Variants in MYLK3 observed in about 807,000 individuals in gnomAD.
The protein encoded by MYLK3 is myosin light chain kinase 3.
MYLK3 carries 55 observed loss-of-function variants against 76.3 expected under a neutral mutation model. The observed-to-expected ratio is 0.72, with a 90% confidence interval of 0.58 to 0.90. The LOEUF (loss-of-function observed/expected upper bound fraction) is 0.90. MYLK3 is among the 40% of genes least tolerant of loss of function. MYLK3 has a pLI of 0.00. For synonymous variants in MYLK3, 416 were observed against 425.4 expected, an observed-to-expected ratio of 0.98 and a Z score of 0.27; for missense variants, 973 against 1,053.6, an observed-to-expected ratio of 0.92 and a Z score of 1.06.
intron 7 of MYLK3, among the ~76,000 whole-genome samples, chr16:46,728,037 A>G (rs1230498385): frequency 6.6e-6 from 1 of 152,278 alleles, no homozygotes; most frequent in Non-Finnish European, 1.5e-5. Flanking sequence ...AAATGGGCCA[A>G]TAAGGCCATA....
rs778677889 is a variant in MYLK3 at position 46,721,145 on chromosome 16, T to C, written c.1963A>G (p.Ile655Val). 7 of 1,613,988 alleles carry C rather than the reference T, an allele frequency of 4.3e-6. No homozygotes were observed. Among genetic ancestry groups the C allele is most frequent in the Non-Finnish European group, 5.9e-6 (7 of 1,179,958 alleles). The change falls in exon 9 of 13, where the codon ATT (isoleucine) becomes GTT (valine). Residue 655 changes from isoleucine to valine, a missense_variant. Coordinates refer to ENST00000394809, the MANE Select transcript of MYLK3 (RefSeq NM_182493.3). Reference protein sequence around the residue: ...VNQTGHQIKIIDFGLARRYKP... With the variant: ...VNQTGHQIKIVDFGLARRYKP... ...TACCTTCTGGCCAGCCCAAAGTCAATGATCTTAATTTGATGTCCTGTCTGA... is the reference window on the plus strand; with the variant it reads ...TACCTTCTGGCCAGCCCAAAGTCAACGATCTTAATTTGATGTCCTGTCTGA...
At chr16:46,722,362 C>A (rs569446454) in intron 8 of MYLK3, among the ~76,000 whole-genome samples, 9 of 152,286 alleles carry the variant, frequency 5.9e-5, no homozygotes, top group African/African-American at 7.2e-5. Context: ...TCTGTCCCCC[C>A]AGAGGGTGTG....
chr16:46,735,491 C>A (rs1966864233), intron 3 of MYLK3, among the ~76,000 whole-genome samples: 1 of 152,212 alleles, frequency 6.6e-6, no homozygotes, highest in African/African-American at 2.4e-5. Context: ...CAAGCATGAG[C>A]CACTGTGCCT....
chr16:46,734,002 G>A (rs1032925387), intron 3 of MYLK3, among the ~76,000 whole-genome samples: 5 of 152,112 alleles, frequency 3.3e-5, no homozygotes, highest in Non-Finnish European at 7.3e-5. Flanking sequence ...AAAACTGGAG[G>A]CTCTTCAGAA....
At chr16:46,741,578 T>C (rs1020066537) in intron 1 of MYLK3, among the ~76,000 whole-genome samples, 1 of 152,204 alleles carries the variant, frequency 6.6e-6, no homozygotes, top group Non-Finnish European at 1.5e-5. Flanking sequence ...GCCCAGAGCC[T>C]TGCTGGGCCC....
chr16:46,728,049 A>C (rs1343938780), intron 7 of MYLK3, among the ~76,000 whole-genome samples: 2 of 152,266 alleles, frequency 1.3e-5, no homozygotes, highest in African/African-American at 4.8e-5. Flanking sequence ...AAGGCCATAC[A>C]TGAAGCAAAC....
At chr16:46,737,258 C>G (rs1468582521) in intron 3 of MYLK3, among the ~76,000 whole-genome samples, 1 of 152,188 alleles carries the variant, frequency 6.6e-6, no homozygotes, top group Non-Finnish European at 1.5e-5. Context: ...ATAACAACCA[C>G]ATTCACCTTC....
intron 5 of MYLK3, chr16:46,729,924 C>T: frequency 5.1e-6 from 3 of 592,276 alleles, no homozygotes; most frequent in Non-Finnish European, 9.0e-6. Context: ...CATCCCTCAC[C>T]ACTGAGGCCA....
intron 10 of MYLK3, among the ~76,000 whole-genome samples, chr16:46,711,413 A>C (rs1966682057): frequency 1.3e-5 from 2 of 152,166 alleles, no homozygotes; most frequent in Admixed American, 1.3e-4. Flanking sequence ...GACAGAGAAG[A>C]AAACAGGGAG....
chr16:46,729,563 C>T (rs1209756351), intron 6 of MYLK3, 31 bp downstream of exon 6: 1 of 1,602,858 alleles, frequency 6.2e-7, no homozygotes, highest in Non-Finnish European at 8.5e-7. Flanking sequence ...TGAGGCTGGC[C>T]ACAGGGACCT....
chr16:46,731,433 G>T lies in MYLK3; in HGVS notation c.1463-735C>A, dbSNP rs867358585. Among the ~76,000 whole-genome samples the T allele has an allele frequency of 5.3e-5, 8 of 152,350 alleles. 1 individual carries two copies. The Middle Eastern group carries it at 0.024, about 453-fold the overall frequency. Reference sequence around the variant, plus strand: ...GACTAAATGAATAAAACAGAATCTAGAACACACAGCAAGTGCAGTGGTATG... The same window carrying T: ...GACTAAATGAATAAAACAGAATCTATAACACACAGCAAGTGCAGTGGTATG... On this transcript the variant is annotated intron_variant, in intron 4 of 12. Coordinates refer to ENST00000394809, the MANE Select transcript of MYLK3 (RefSeq NM_182493.3).
rs1966637325 is a variant in MYLK3, at chr16:46,707,448, C to A, written c.*256G>T. 2.5e-6 allele frequency: 1 copy of A among 406,992 alleles called. No homozygotes were observed. Among genetic ancestry groups the A allele is most frequent in the Non-Finnish European group, 4.4e-6 (1 of 228,834 alleles). The allele number at this position is 406,992 out of a possible 1,614,324, so 25.2% of individuals were successfully genotyped here. The stretch of plus-strand genomic sequence containing the variant: ...ACCTAAAGCATCCCTACACTTACCA[C>A]CAAAAGTAGGTATATTTGAAAGGTA... On this transcript the variant is annotated 3_prime_UTR_variant, in exon 13 of 13. Transcript: ENST00000394809.
At chr16:46,710,047 C>G (rs1255752428) in intron 11 of MYLK3, among the ~76,000 whole-genome samples, 4 of 152,186 alleles carry the variant, frequency 2.6e-5, no homozygotes, top group African/African-American at 9.7e-5. Context: ...GAGTATAAAG[C>G]CAACTTGTTC....
At chr16:46,759,691 G>A (rs1370258648) in intron 1 of MYLK3, among the ~76,000 whole-genome samples, 5 of 151,336 alleles carry the variant, frequency 3.3e-5, no homozygotes, top group Middle Eastern at 3.4e-3. Flanking sequence ...GAAGAGGCGC[G>A]ATCTCTGCTC....
intron 1 of MYLK3, among the ~76,000 whole-genome samples, chr16:46,753,411 C>T (rs1469916515): frequency 1.3e-5 from 2 of 152,214 alleles, no homozygotes; most frequent in African/African-American, 2.4e-5. Flanking sequence ...GAGCGTCCCA[C>T]CTGATCATCC....
chr16:46,757,059 C>T (rs1156306494), intron 1 of MYLK3, among the ~76,000 whole-genome samples: 1 of 152,166 alleles, frequency 6.6e-6, no homozygotes, highest in African/African-American at 2.4e-5. Context: ...CCCGCCCGCA[C>T]CACACCATTG....
At chr16:46,731,249 G>T (rs1226681050) in intron 4 of MYLK3, among the ~76,000 whole-genome samples, 1 of 152,270 alleles carries the variant, frequency 6.6e-6, no homozygotes, top group Non-Finnish European at 1.5e-5. Context: ...ACAGGATTGG[G>T]GAGGGGGTGG....
rs575256657 is a variant in MYLK3, at chr16:46,738,063, C to A, written c.649G>T (p.Ala217Ser). The stretch of plus-strand genomic sequence containing the variant: ...TGGCCCGGTGAGACCACTGCCTGGG[C>A]GGGGTCAGCTCCCAGCCCTGACGCT... ...IRASGLGADP[A>S]QAVVSPGQGD... The change falls in exon 3 of 13, where the codon GCC becomes TCC. Residue 217 changes from alanine (A) to serine (S), a missense_variant. Physicochemically the swap from Ala to Ser is moderately conservative, Grantham distance 99. This residue lies in a region of MYLK3 where 641 missense variants were observed against 637.0 expected (regional missense o/e 1.01). Transcript: ENST00000394809. 4 of 1,606,096 alleles carry A rather than the reference C, an allele frequency of 2.5e-6. No homozygotes were observed. The highest frequency in any genetic ancestry group is 2.2e-5 in the South Asian group (2 of 90,610).
intron 2 of MYLK3, among the ~76,000 whole-genome samples, chr16:46,739,087 C>A (rs1465550458): frequency 6.6e-6 from 1 of 152,020 alleles, no homozygotes; most frequent in Admixed American, 6.6e-5. Flanking sequence ...CTGATCTGCC[C>A]ACCTCAGCCT....
Sources: allele counts gnomAD v4.1 joint callset (sites outside exome capture counted in the v4.1 genomes callset), GRCh38; gene constraint gnomAD v4.1.1; regional missense constraint gnomAD v4.1.1; transcripts MANE v1.5; gene names NCBI Gene and HGNC (gene_info 2026-07-23, HGNC 2026-07-21).